Variants in KCNMB2 observed in about 807,000 individuals in gnomAD.
The protein encoded by KCNMB2 is potassium calcium-activated channel subfamily M regulatory beta subunit 2, also known as calcium-activated potassium channel subunit beta-2.
Under a neutral mutation model 24.5 loss-of-function variants are expected in KCNMB2, and 9 were observed. The observed-to-expected ratio is 0.37, with a 90% CI of 0.22 to 0.64. KCNMB2 has a LOEUF of 0.64. KCNMB2 is among the 30% of genes least tolerant of loss of function. KCNMB2 has a pLI of 0.63. For synonymous variants in KCNMB2, 109 were observed against 104.4 expected (o/e 1.04, Z -0.27); for missense variants, 226 against 284.3 (o/e 0.79, Z 1.47).
chr3:178,623,494 T>C (rs1718994610), intron 1 of KCNMB2, among the ~76,000 whole-genome samples: 1 of 152,110 alleles, frequency 6.6e-6, no homozygotes, highest in Non-Finnish European at 1.5e-5. Flanking sequence ...TAAATAATAT[T>C]CAGTTGACTC....
chr3:178,776,991 C>T (rs1712607568), intron 1 of KCNMB2, among the ~76,000 whole-genome samples: 1 of 150,970 alleles, frequency 6.6e-6, no homozygotes, highest in African/African-American at 2.4e-5. Context: ...TACAAAGCAA[C>T]ATGAAATAAT....
chr3:178,789,950 C>A (rs1364712936), intron 1 of KCNMB2, among the ~76,000 whole-genome samples: 1 of 151,742 alleles, frequency 6.6e-6, no homozygotes, highest in East Asian at 2.0e-4. Flanking sequence ...ACTTGTGTCA[C>A]CCCTCCCCCA....
At chr3:178,607,862 A>G (rs966398523) in intron 1 of KCNMB2, among the ~76,000 whole-genome samples, 10 of 152,190 alleles carry the variant, frequency 6.6e-5, no homozygotes, top group African/African-American at 2.4e-4. Context: ...TGAAAAGAAC[A>G]GATCAATTTT....
chr3:178,545,083 C>T (rs1243105121), intron 1 of KCNMB2, among the ~76,000 whole-genome samples: 1 of 152,078 alleles, frequency 6.6e-6, no homozygotes, highest in Non-Finnish European at 1.5e-5. Flanking sequence ...CCACAGAATC[C>T]CCTTTGCACA....
At position 178,764,943 on chromosome 3, in the gene KCNMB2, G is replaced by T. The variant is rs114686067; in HGVS notation, c.-67-42400G>T. On this transcript the variant is annotated intron_variant, in intron 1 of 4. Transcript: ENST00000452583. The stretch of plus-strand genomic sequence containing the variant: ...TAATACAAGTAAAGTATAATACTTT[G>T]TGTGACTCATGAAAACAAATCAATG... Among the ~76,000 whole-genome samples, 295 of 152,272 alleles carry T rather than the reference G, an allele frequency of 1.9e-3. 3 individuals carry two copies. The highest frequency in any genetic ancestry group is 6.6e-3 in the African/African-American group (275 of 41,556).
intron 2 of KCNMB2, among the ~76,000 whole-genome samples, chr3:178,813,400 T>C (rs549061561): frequency 6.6e-6 from 1 of 152,234 alleles, no homozygotes; most frequent in Non-Finnish European, 1.5e-5. Flanking sequence ...ATTATAATCA[T>C]ACCTCTTATG....
At position 178,780,053 on chromosome 3, in the gene KCNMB2, TAAAAA is replaced by T. The variant is rs11406849; in HGVS notation, c.-67-27275_-67-27271del. 1.8e-3 allele frequency among the ~76,000 whole-genome samples: 236 copies of T among 134,030 alleles called. 1 individual carries two copies. The highest frequency in any genetic ancestry group is 3.0e-3 in the Non-Finnish European group (185 of 62,408). The allele number at this position is 134,030 out of a possible 152,430, so 87.9% of individuals were successfully genotyped here. On this transcript the variant is annotated intron_variant, in intron 1 of 4. Coordinates refer to ENST00000452583, the MANE Select transcript of KCNMB2 (RefSeq NM_181361.3). ...ATGGTGACCAATTAGTTGTTTTTTT[TAAAAA>T]AAAAAAAAAAAAAAGCACTATGAAA...
Position 178,603,067 on chromosome 3 carries a change from C to G in KCNMB2, c.-68+66356C>G, listed in dbSNP as rs115865603. On this transcript the variant is annotated intron_variant, in intron 1 of 4. Coordinates refer to ENST00000452583, the MANE Select transcript of KCNMB2 (RefSeq NM_181361.3). ...TGATCAAGGTGTAGAACTGAGAGTT[C>G]TCAGTGACTAATTGGATATGGCAGG... Among the ~76,000 whole-genome samples, 302 of 152,084 alleles carry G rather than the reference C, an allele frequency of 2.0e-3. 2 individuals are homozygous for G. Among genetic ancestry groups the G allele is most frequent in the African/African-American group, 6.8e-3 (284 of 41,508 alleles).
chr3:178,754,242 G>A (rs1290402832), intron 1 of KCNMB2, among the ~76,000 whole-genome samples: 1 of 144,302 alleles, frequency 6.9e-6, no homozygotes. Context: ...ATCTACTGAT[G>A]GACACAGATC....
intron 1 of KCNMB2, among the ~76,000 whole-genome samples, chr3:178,592,764 C>A (rs962502962): frequency 6.6e-6 from 1 of 152,026 alleles, no homozygotes; most frequent in Non-Finnish European, 1.5e-5. Context: ...AGACCATCTA[C>A]GTTAGCATCA....
At chr3:178,698,071 T>C (rs1721946808) in intron 1 of KCNMB2, among the ~76,000 whole-genome samples, 2 of 152,188 alleles carry the variant, frequency 1.3e-5, no homozygotes, top group South Asian at 4.1e-4. Context: ...ATCATGATTA[T>C]GTGTGTTGGG....
At chr3:178,745,564 A>G (rs1279166937) in intron 1 of KCNMB2, among the ~76,000 whole-genome samples, 1 of 152,146 alleles carries the variant, frequency 6.6e-6, no homozygotes, top group Non-Finnish European at 1.5e-5. Context: ...CCTTCCCAAC[A>G]GTCCCCCAAA....
chr3:178,757,241 TAC>T (rs1197727098), intron 1 of KCNMB2: 6 of 142,564 alleles, frequency 4.2e-5, no homozygotes, highest in African/African-American at 1.3e-4. Context: ...GGTACACACA[TAC>T]ACACATATAT....
At chr3:178,718,097 T>A (rs1314882716) in intron 1 of KCNMB2, among the ~76,000 whole-genome samples, 1 of 152,232 alleles carries the variant, frequency 6.6e-6, no homozygotes, top group East Asian at 1.9e-4. Context: ...CTTTACTGTT[T>A]CTCACTTGCT....
chr3:178,673,996 C>T (rs755989716), intron 1 of KCNMB2, among the ~76,000 whole-genome samples: 6 of 152,154 alleles, frequency 3.9e-5, no homozygotes, highest in Admixed American at 6.6e-5. Flanking sequence ...ACTTGTTAAA[C>T]GAAATATCAA....
At chr3:178,796,791 A>T (rs774070561) in intron 1 of KCNMB2, among the ~76,000 whole-genome samples, 2 of 152,128 alleles carry the variant, frequency 1.3e-5, no homozygotes, top group Non-Finnish European at 2.9e-5. Context: ...ACCTACATCA[A>T]AAAAGTAGAA....
intron 1 of KCNMB2, among the ~76,000 whole-genome samples, chr3:178,787,412 C>T (rs1456512140): frequency 6.6e-6 from 1 of 152,076 alleles, no homozygotes; most frequent in Non-Finnish European, 1.5e-5. Context: ...AATTATTGCA[C>T]TGTAACATCA....
rs1037893353 is a variant in KCNMB2, at chr3:178,722,071, A to G, written c.-67-85272A>G. ...AAAGGTTTCATTTTGATAAAGTACA[A>G]TTTACCCTTTTTGGTGTCATATCTG... On this transcript the variant is annotated intron_variant, in intron 1 of 4. Transcript: ENST00000452583. 4.6e-5 allele frequency among the ~76,000 whole-genome samples: 7 copies of G among 152,252 alleles called. No homozygotes were observed. The South Asian group carries it at 1.2e-3, about 27-fold the overall frequency.
At chr3:178,766,677 T>C (rs912205207) in intron 1 of KCNMB2, among the ~76,000 whole-genome samples, 2 of 152,248 alleles carry the variant, frequency 1.3e-5, no homozygotes, top group Admixed American at 1.3e-4. Context: ...CAAACATCTC[T>C]TTTCACAATT....
Sources: allele counts gnomAD v4.1 joint callset (sites outside exome capture counted in the v4.1 genomes callset), GRCh38; gene constraint gnomAD v4.1.1; transcripts MANE v1.5; gene names NCBI Gene and HGNC (gene_info 2026-07-23, HGNC 2026-07-21).